The following CHLSN variants were observed in gnomAD, a reference collection of about 807,000 sequenced individuals.
The protein encoded by CHLSN is protein cholesin.
the CHLSN span, among the ~76,000 whole-genome samples, chr7:1,120,032 A>G: frequency 6.6e-6 from 1 of 152,206 alleles, no homozygotes; most frequent in Non-Finnish European, 1.5e-5. Flanking sequence ...TCGGAAGAAA[A>G]AAACAGAAGT....
the CHLSN span, among the ~76,000 whole-genome samples, chr7:1,079,612 C>T: frequency 2.6e-5 from 4 of 152,272 alleles, no homozygotes. Context: ...AACCCCCCTC[C>T]CTGCCCAATG....
chr7:1,057,897 T>C, the CHLSN span: 2 of 776,544 alleles, frequency 2.6e-6, no homozygotes, highest in Non-Finnish European at 4.8e-6. Context: ...CCTCGACCAC[T>C]ACATCGAGCG....
chr7:1,092,136 C>T, the CHLSN span: 8 of 1,613,712 alleles, frequency 5.0e-6, no homozygotes, highest in Non-Finnish European at 6.8e-6. Context: ...TGTCGCTCTT[C>T]CTGCAGGTCA....
chr7:1,041,439 G>C, the CHLSN span, among the ~76,000 whole-genome samples: 10,456 of 139,050 alleles, frequency 0.075, 647 homozygotes, highest in Middle Eastern at 0.13. Flanking sequence ...CTGCGGGGAA[G>C]GGGACCTGGG....
chr7:1,051,195 C>G, the CHLSN span, among the ~76,000 whole-genome samples: 23,935 of 152,236 alleles, frequency 0.16, 2,030 homozygotes, highest in Admixed American at 0.21. Flanking sequence ...AGCTGCTGCT[C>G]CCAGAAAACG....
chr7:1,008,809 T>C, the CHLSN span, among the ~76,000 whole-genome samples: 17 of 119,476 alleles, frequency 1.4e-4, no homozygotes, highest in East Asian at 1.3e-3. Context: ...TGTATACATG[T>C]ACACACGCAC....
the CHLSN span, among the ~76,000 whole-genome samples, chr7:1,064,101 C>T: frequency 1.1e-3 from 118 of 105,890 alleles, no homozygotes; most frequent in African/African-American, 4.1e-3. Flanking sequence ...TACACACACA[C>T]ATACATGCGT....
chr7:1,110,116 A>G, the CHLSN span, among the ~76,000 whole-genome samples: 5,130 of 152,226 alleles, frequency 0.034, 282 homozygotes, highest in African/African-American at 0.12. Flanking sequence ...CACAGGAGAC[A>G]GAGGACCTCG....
the CHLSN span, among the ~76,000 whole-genome samples, chr7:1,062,310 C>G: frequency 6.6e-6 from 1 of 152,230 alleles, no homozygotes; most frequent in Middle Eastern, 3.4e-3. Context: ...ATACACAGCA[C>G]ACGACAGAGG....
At chr7:1,012,919 C>T in the CHLSN span, among the ~76,000 whole-genome samples, 26 of 152,350 alleles carry the variant, frequency 1.7e-4, no homozygotes, top group African/African-American at 5.1e-4. Context: ...GCTGTGACCA[C>T]GACGTGAGCG....
chr7:1,016,959 GCAGCACACGC>G, the CHLSN span, among the ~76,000 whole-genome samples: 204 of 141,770 alleles, frequency 1.4e-3, 14 homozygotes, highest in African/African-American at 5.2e-3. Flanking sequence ...CCAGCGCACA[GCAGCACACGC>G]CAGCACACAC....
At chr7:997,526 C>G in the CHLSN span, 1 of 1,099,704 alleles carries the variant, frequency 9.1e-7, no homozygotes. Flanking sequence ...CAGCCGCTGC[C>G]CTGCTGGTGA....
the CHLSN span, among the ~76,000 whole-genome samples, chr7:1,102,701 C>T: frequency 1.3e-5 from 2 of 152,218 alleles, no homozygotes; most frequent in Non-Finnish European, 1.5e-5. Context: ...AACTGTGATC[C>T]TGCGCCCCTT....
At chr7:1,086,437 A>C in the CHLSN span, among the ~76,000 whole-genome samples, 1 of 152,248 alleles carries the variant, frequency 6.6e-6, no homozygotes, top group African/African-American at 2.4e-5. Context: ...AAAGGTACAT[A>C]TTAGAGTTGT....
At chr7:1,065,008 C>G in the CHLSN span, among the ~76,000 whole-genome samples, 3 of 152,048 alleles carry the variant, frequency 2.0e-5, no homozygotes, top group African/African-American at 7.2e-5. Context: ...CAACCCTAAT[C>G]ATCACAGGAC....
At chr7:989,136 G>GC in the CHLSN span, 1 of 386,328 alleles carries the variant, frequency 2.6e-6, no homozygotes, top group South Asian at 8.6e-5. Context: ...TCCCCCCAGG[G>GC]CCCCCCAGCA....
chr7:983,128 G>T, the CHLSN span: 1 of 1,215,452 alleles, frequency 8.2e-7, no homozygotes. Context: ...GGTGGGGTGC[G>T]GGCACGCCCT....
At chr7:980,929 G>C in the CHLSN span, among the ~76,000 whole-genome samples, 22 of 151,872 alleles carry the variant, frequency 1.4e-4, no homozygotes, top group East Asian at 4.3e-3. Context: ...TCCTGACCTC[G>C]TGATCCGCCC....
the CHLSN span, among the ~76,000 whole-genome samples, chr7:1,122,514 T>C: frequency 6.6e-6 from 1 of 152,186 alleles, no homozygotes. Context: ...AAGGGTCCCC[T>C]TTAGTGAGAC....
Sources: allele counts gnomAD v4.1 joint callset (sites outside exome capture counted in the v4.1 genomes callset), GRCh38; gene constraint gnomAD v4.1.1; transcripts MANE v1.5; gene names NCBI Gene and HGNC (gene_info 2026-07-23, HGNC 2026-07-21).